Variants in ANGPT1 observed in about 807,000 individuals in gnomAD.
The protein encoded by ANGPT1 is angiopoietin-1.
Under a neutral mutation model 62.2 loss-of-function variants are expected in ANGPT1, and 17 were observed. That is an observed-to-expected ratio of 0.27 (90% CI 0.19 to 0.41). ANGPT1 has a LOEUF of 0.41. Ranked by LOEUF, ANGPT1 falls within the 10% of genes least tolerant of loss-of-function variation. The pLI, the probability that ANGPT1 is intolerant of heterozygous loss-of-function variation, is 1.00. For synonymous variants in ANGPT1, 199 were observed against 198.9 expected, an observed-to-expected ratio of 1.00 and a Z score of 0.00; for missense variants, 478 against 594.9, an observed-to-expected ratio of 0.80 and a Z score of 2.04.
chr8:107,455,563 C>A (rs1386802938), intron 1 of ANGPT1, among the ~76,000 whole-genome samples: 1 of 151,984 alleles, frequency 6.6e-6, no homozygotes, highest in Non-Finnish European at 1.5e-5. Flanking sequence ...ATACAACAGC[C>A]TTTGCATCAT....
intron 1 of ANGPT1, among the ~76,000 whole-genome samples, chr8:107,372,020 A>C (rs1452738023): frequency 6.6e-6 from 1 of 152,194 alleles, no homozygotes; most frequent in African/African-American, 2.4e-5. Flanking sequence ...CATATGGACC[A>C]AAAGTGAAAT....
intron 1 of ANGPT1, among the ~76,000 whole-genome samples, chr8:107,428,831 C>T (rs1483155237): frequency 6.6e-6 from 1 of 152,184 alleles, no homozygotes; most frequent in Non-Finnish European, 1.5e-5. Flanking sequence ...ATTCCCAATC[C>T]ACCCAAAGGT....
At chr8:107,356,014 T>C (rs533426063) in intron 1 of ANGPT1, among the ~76,000 whole-genome samples, 4 of 152,346 alleles carry the variant, frequency 2.6e-5, no homozygotes, top group African/African-American at 7.2e-5. Context: ...AATGAATTTG[T>C]GTATGAAAAT....
intron 1 of ANGPT1, among the ~76,000 whole-genome samples, chr8:107,400,581 A>G (rs1802692488): frequency 1.3e-5 from 2 of 148,468 alleles, no homozygotes; most frequent in South Asian, 2.1e-4. Flanking sequence ...TTTTTTTGAG[A>G]CGGAGTCTCA....
At chr8:107,334,296 G>A (rs1815508626) in intron 3 of ANGPT1, among the ~76,000 whole-genome samples, 1 of 152,146 alleles carries the variant, frequency 6.6e-6, no homozygotes, top group Non-Finnish European at 1.5e-5. Context: ...CATAACTACT[G>A]AGAGATGGAT....
intron 1 of ANGPT1, among the ~76,000 whole-genome samples, chr8:107,409,718 C>T (rs1563610036): frequency 2.7e-5 from 3 of 112,228 alleles, no homozygotes; most frequent in Admixed American, 1.8e-4. Context: ...ATGAAAAATG[C>T]CTTTTTTTTT....
At chr8:107,346,842 C>T (rs966148776) in intron 2 of ANGPT1, 100 bp downstream of exon 2, 2 of 1,062,742 alleles carry the variant, frequency 1.9e-6, no homozygotes, top group Admixed American at 2.5e-5. Flanking sequence ...GTATGTTTCC[C>T]TAATCACAGT....
chr8:107,461,337 T>C (rs534697714), intron 1 of ANGPT1, among the ~76,000 whole-genome samples: 4 of 152,156 alleles, frequency 2.6e-5, no homozygotes, highest in African/African-American at 9.7e-5. Flanking sequence ...CCTGAAGCTG[T>C]AGGCCACTTA....
intron 2 of ANGPT1, among the ~76,000 whole-genome samples, chr8:107,340,548 CT>C (rs1388337394): frequency 6.6e-6 from 1 of 151,784 alleles, no homozygotes; most frequent in African/African-American, 2.4e-5. Flanking sequence ...AAGAAAATCT[CT>C]TTTTTTTAGA....
chr8:107,289,162 C>A (rs922318274), intron 6 of ANGPT1, among the ~76,000 whole-genome samples: 1 of 152,058 alleles, frequency 6.6e-6, no homozygotes, highest in Non-Finnish European at 1.5e-5. Flanking sequence ...TCTTCTCTAA[C>A]GCTCTAATAA....
At chr8:107,319,128 T>C (rs1270403885) in intron 4 of ANGPT1, among the ~76,000 whole-genome samples, 1 of 152,220 alleles carries the variant, frequency 6.6e-6, no homozygotes, top group South Asian at 2.1e-4. Flanking sequence ...GAATCAACTG[T>C]GTCTTCAGCA....
At chr8:107,481,471 T>C (rs1293827414) in intron 1 of ANGPT1, among the ~76,000 whole-genome samples, 1 of 139,250 alleles carries the variant, frequency 7.2e-6, no homozygotes, top group African/African-American at 2.8e-5. Flanking sequence ...GAGGCAGAGG[T>C]TGCAGTGAGC....
intron 1 of ANGPT1, among the ~76,000 whole-genome samples, chr8:107,417,317 AT>A (rs1431505367): frequency 6.6e-6 from 1 of 152,162 alleles, no homozygotes; most frequent in Non-Finnish European, 1.5e-5. Flanking sequence ...ATCTGATATC[AT>A]GATGTCAGGT....
intron 7 of ANGPT1, among the ~76,000 whole-genome samples, chr8:107,275,893 CCA>C (rs1813853083): frequency 6.6e-6 from 1 of 152,046 alleles, no homozygotes; most frequent in Non-Finnish European, 1.5e-5. Flanking sequence ...TTAGCATTAC[CCA>C]TTCTGTGACA....
chr8:107,452,543 TTTA>T (rs1225181872), intron 1 of ANGPT1, among the ~76,000 whole-genome samples: 2 of 151,948 alleles, frequency 1.3e-5, no homozygotes, highest in Non-Finnish European at 2.9e-5. Context: ...ATGGCTAAAA[TTTA>T]TTGTTACATT....
chr8:107,266,763 G>A (rs1236461545), intron 7 of ANGPT1, among the ~76,000 whole-genome samples: 3 of 152,106 alleles, frequency 2.0e-5, no homozygotes, highest in Admixed American at 6.6e-5. Context: ...TGTCTTTGCA[G>A]GGAATTCAGC....
intron 7 of ANGPT1, among the ~76,000 whole-genome samples, chr8:107,280,553 T>C (rs761688617): frequency 2.6e-5 from 4 of 152,184 alleles, no homozygotes; most frequent in Non-Finnish European, 5.9e-5. Flanking sequence ...AGATTTAAGA[T>C]GTATCCATGT....
intron 8 of ANGPT1, among the ~76,000 whole-genome samples, chr8:107,252,503 G>A (rs1813269054): frequency 6.6e-6 from 1 of 152,202 alleles, no homozygotes; most frequent in African/African-American, 2.4e-5. Flanking sequence ...TACTGCATAT[G>A]TTTGTCAATA....
At chr8:107,356,551 A>G (rs1244774772) in intron 1 of ANGPT1, among the ~76,000 whole-genome samples, 1 of 152,156 alleles carries the variant, frequency 6.6e-6, no homozygotes, top group Non-Finnish European at 1.5e-5. Context: ...CTCCTTTAAT[A>G]TAAAAAAAAA....
Sources: allele counts gnomAD v4.1 joint callset (sites outside exome capture counted in the v4.1 genomes callset), GRCh38; gene constraint gnomAD v4.1.1; transcripts MANE v1.5; gene names NCBI Gene and HGNC (gene_info 2026-07-23, HGNC 2026-07-21).